Variants in CAGE1 observed in about 807,000 individuals in gnomAD.
The protein encoded by CAGE1 is cancer-associated gene 1 protein.
A neutral mutation model predicts 94.9 loss-of-function variants in CAGE1; 66 were observed. The observed-to-expected ratio is 0.70, with a 90% confidence interval of 0.57 to 0.85. CAGE1 has a LOEUF of 0.85. Ranked by LOEUF, CAGE1 falls within the 40% of genes least tolerant of loss-of-function variation. The probability of loss-of-function intolerance (pLI) is 0.00; values close to 1 mark genes in which losing one functional copy is unlikely to be tolerated. For synonymous variants in CAGE1, 319 were observed against 321.0 expected, an observed-to-expected ratio of 0.99 and a Z score of 0.07; for missense variants, 865 against 950.4, an observed-to-expected ratio of 0.91 and a Z score of 1.18.
rs1360040213 is a variant in CAGE1, at chr6:7,339,521, G to A, written c.2370-5431C>T. The A allele has an allele frequency of 5.0e-6, 4 of 802,430 alleles. No homozygotes were observed. The highest frequency in any genetic ancestry group is 9.1e-6 in the Non-Finnish European group (4 of 439,820). 49.7% of individuals were successfully genotyped at this position (802,430 alleles called of 1,614,324 possible). ...GAAACTCATTCATTTCAGCTTAGAA[G>A]ATGCCATCAGTGACAAACTTCCTCT... On this transcript the variant is annotated intron_variant, in intron 11 of 13. Coordinates refer to ENST00000502583, the MANE Select transcript of CAGE1 (RefSeq NM_001170692.2). The surrounding 1 kb of genome is among the most constrained non-coding windows in gnomAD (Gnocchi z 4.7).
At chr6:7,367,278 A>ATTTTTTTTTTTTTTTTTTTTTT (rs70978961) in intron 7 of CAGE1, among the ~76,000 whole-genome samples, 6 of 111,208 alleles carry the variant, frequency 5.4e-5, no homozygotes, top group South Asian at 3.0e-4. Context: ...TATTTGGGGG[A>ATTTTTTTTTTTTTTTTTTTTTT]TTTTTTTTTT....
chr6:7,362,300 A>C lies in CAGE1; in HGVS notation c.2193+3168T>G, dbSNP rs1177682647. ...ATCTTATTTGTATTAAAAGTTATCT[A>C]TTTTACTGAAGATGGGATCTAGGAG... is the stretch of plus-strand genomic sequence containing the variant. On this transcript the variant is annotated intron_variant, in intron 9 of 13. Transcript: ENST00000502583. The surrounding 1 kb of genome is among the most constrained non-coding windows in gnomAD (Gnocchi z 4.1). Among the ~76,000 whole-genome samples, 2 of 152,194 alleles carry C rather than the reference A, an allele frequency of 1.3e-5. No individual in the cohort carries two copies. The highest frequency in any genetic ancestry group is 4.8e-5 in the African/African-American group (2 of 41,464).
chr6:7,376,227 A>C (rs1478247641), intron 4 of CAGE1, among the ~76,000 whole-genome samples: 2 of 151,916 alleles, frequency 1.3e-5, no homozygotes, highest in Non-Finnish European at 2.9e-5. Context: ...GTCTCTACTA[A>C]AAATACAAAA....
In CAGE1 at chr6:7,368,782, T is replaced by G; in HGVS notation, c.1910A>C (p.Asp637Ala). The G allele has an allele frequency of 6.5e-7, 1 of 1,547,166 alleles. No homozygotes were observed. Among genetic ancestry groups the G allele is most frequent in the Non-Finnish European group, 8.7e-7 (1 of 1,145,442 alleles). Reference protein sequence around the residue: ...LLTCQDIINSDAEHFKESEKV... With the variant: ...LLTCQDIINSAAEHFKESEKV... ...CTCACTCTCTTTGAAATGTTCAGCA[T>G]CAGAATTGATGATGTCCTAAGGGTA... Residue 637 changes from aspartate to alanine, a missense_variant, in exon 7 of 14, where the codon GAT becomes GCT. By Grantham distance (126) the Asp-to-Ala change is moderately radical. Coordinates refer to ENST00000502583, the MANE Select transcript of CAGE1 (RefSeq NM_001170692.2).
At chr6:7,332,285 T>C (rs1362247577) in intron 12 of CAGE1, among the ~76,000 whole-genome samples, 1 of 152,196 alleles carries the variant, frequency 6.6e-6, no homozygotes, top group East Asian at 1.9e-4. Flanking sequence ...TCTTTCTCTT[T>C]GGAGCTTGCC....
chr6:7,335,271 A>G (rs2113351171), intron 11 of CAGE1, among the ~76,000 whole-genome samples: 1 of 152,346 alleles, frequency 6.6e-6, no homozygotes, highest in East Asian at 1.9e-4. Context: ...CTTTTGCTAT[A>G]TAAGGTAATG....
At chr6:7,385,108 G>A (rs1438335526) in intron 3 of CAGE1, among the ~76,000 whole-genome samples, 1 of 151,872 alleles carries the variant, frequency 6.6e-6, no homozygotes, top group Non-Finnish European at 1.5e-5. Flanking sequence ...TGGGTTCAAG[G>A]GAGTCTCCTG....
chr6:7,387,934 T>C (rs912961711), intron 1 of CAGE1, among the ~76,000 whole-genome samples: 3 of 145,078 alleles, frequency 2.1e-5, no homozygotes, highest in African/African-American at 7.8e-5. Flanking sequence ...CTCTGGAGGC[T>C]GAGGGAGGAG....
chr6:7,356,174 G>T, intron 9 of CAGE1, 45 bp from the exon 10 acceptor site: 1 of 1,051,056 alleles, frequency 9.5e-7, no homozygotes, highest in Non-Finnish European at 1.4e-6. Context: ...AACCTGCCAG[G>T]AAAGCTATAT....
In CAGE1 at chr6:7,339,402, T is replaced by G; in HGVS notation, c.2370-5312A>C. ...CCGGCCCTTCTCACCAAGAACATTC[T>G]GTGTTCTGGTGGCTAAGACAATGAT... On this transcript the variant is annotated intron_variant, in intron 11 of 13. Transcript: ENST00000502583. This position sits in a 1 kb window ranked among gnomAD's most constrained non-coding sequence, Gnocchi z 4.7. 1 of 1,574,498 alleles carries G rather than the reference T, an allele frequency of 6.4e-7. No individual in the cohort carries two copies. Among genetic ancestry groups the G allele is most frequent in the Non-Finnish European group, 8.7e-7 (1 of 1,145,038 alleles).
intron 11 of CAGE1, among the ~76,000 whole-genome samples, chr6:7,343,926 G>A (rs1397499233): frequency 6.6e-6 from 1 of 152,182 alleles, no homozygotes; most frequent in African/African-American, 2.4e-5. Context: ...TTCCTACAAA[G>A]GAAGAAATGG....
At chr6:7,331,258 G>A (rs1692895782) in intron 12 of CAGE1, 4 of 630,242 alleles carry the variant, frequency 6.3e-6, no homozygotes, top group African/African-American at 5.7e-5. Context: ...TAATTAATAT[G>A]ACTGCCAACA....
At chr6:7,346,125 A>G (rs1461422362) in intron 11 of CAGE1, among the ~76,000 whole-genome samples, 2 of 152,190 alleles carry the variant, frequency 1.3e-5, no homozygotes, top group African/African-American at 4.8e-5. Flanking sequence ...AAAGGAATAA[A>G]AGAATGGCTA....
chr6:7,365,964 G>T, intron 7 of CAGE1, 80 bp from the exon 8 acceptor site: 1 of 905,510 alleles, frequency 1.1e-6, no homozygotes, highest in Non-Finnish European at 1.6e-6. Context: ...AATCAAACCG[G>T]GCCGGGCGTA....
At chr6:7,375,282 A>G (rs1760699298) in intron 4 of CAGE1, among the ~76,000 whole-genome samples, 1 of 151,534 alleles carries the variant, frequency 6.6e-6, no homozygotes, top group Non-Finnish European at 1.5e-5. Flanking sequence ...GGCGGTGTGC[A>G]CCTGTAGTCC....
intron 9 of CAGE1, among the ~76,000 whole-genome samples, chr6:7,360,178 A>G (rs1188310344): frequency 1.3e-5 from 2 of 152,326 alleles, no homozygotes; most frequent in East Asian, 1.9e-4. Flanking sequence ...CACCCTGACA[A>G]TCCAGGATAA....
At chr6:7,378,509 T>C in intron 4 of CAGE1, 108 bp downstream of exon 4, 2 of 892,420 alleles carry the variant, frequency 2.2e-6, no homozygotes. Flanking sequence ...CAGGCTTTAC[T>C]GACCATCACA....
intron 11 of CAGE1, chr6:7,341,223 A>C: frequency 1.5e-6 from 1 of 673,024 alleles, no homozygotes; most frequent in South Asian, 1.4e-5. Flanking sequence ...AGGTGATGCC[A>C]GAGATACTGT....
At chr6:7,332,040 A>G (rs182265828) in intron 12 of CAGE1, among the ~76,000 whole-genome samples, 2 of 152,308 alleles carry the variant, frequency 1.3e-5, no homozygotes, top group Non-Finnish European at 2.9e-5. Context: ...TTCATTAGGT[A>G]TACTGTACTG....
Sources: gnomAD v4.1 joint callset for allele counts (sites outside exome capture counted in the v4.1 genomes callset) on GRCh38, gnomAD v4.1.1 for gene constraint, Gnocchi (gnomAD v3.1) non-coding constraint, MANE v1.5 for transcripts, NCBI Gene and HGNC (gene_info 2026-07-23, HGNC 2026-07-21) for gene names.